Variants in PDZD2 observed in about 807,000 individuals in gnomAD.
The protein encoded by PDZD2 is PDZ domain containing 2.
PDZD2 carries 90 observed loss-of-function variants against 220.7 expected under a neutral mutation model. The observed-to-expected ratio is 0.41, with a 90% CI of 0.34 to 0.49. The LOEUF (loss-of-function observed/expected upper bound fraction) is 0.49, where lower values mean the gene tolerates loss of function less well. Among genes scored for constraint, PDZD2 ranks in the 20% least tolerant of loss-of-function variants. The pLI is 0.28. For missense variants in PDZD2, 3,174 were observed against 3,608.5 expected (o/e 0.88, Z 3.08); for synonymous variants, 1,375 against 1,450.5 (o/e 0.95, Z 1.18).
At chr5:31,948,371 G>A (rs1203867025) in intron 2 of PDZD2, among the ~76,000 whole-genome samples, 5 of 152,132 alleles carry the variant, frequency 3.3e-5, no homozygotes, top group Non-Finnish European at 5.9e-5. Context: ...GAGAATGGCA[G>A]GCTTTTCGAC....
chr5:32,013,284 G>A (rs546699014), intron 6 of PDZD2, among the ~76,000 whole-genome samples: 9 of 147,246 alleles, frequency 6.1e-5, no homozygotes, highest in South Asian at 2.2e-4. Flanking sequence ...ATGTAATTTC[G>A]TATAGAACAT....
chr5:32,039,409 CA>C (rs1456498279), intron 7 of PDZD2, among the ~76,000 whole-genome samples: 1 of 150,460 alleles, frequency 6.6e-6, no homozygotes, highest in African/African-American at 2.4e-5. Flanking sequence ...ACTCAATGCT[CA>C]ATGTTGCCCA....
intron 2 of PDZD2, among the ~76,000 whole-genome samples, chr5:31,810,044 C>T (rs1215659489): frequency 6.6e-6 from 1 of 152,098 alleles, no homozygotes; most frequent in African/African-American, 2.4e-5. Context: ...TAATTGTAAA[C>T]CATACAGAGA....
chr5:31,840,801 T>C, intron 2 of PDZD2: 3 of 778,020 alleles, frequency 3.9e-6, no homozygotes, highest in East Asian at 4.9e-5. Context: ...CGTTTTGCCA[T>C]GGTGACACCT....
At chr5:31,701,760 T>G (rs1747618798) in intron 1 of PDZD2, among the ~76,000 whole-genome samples, 1 of 152,194 alleles carries the variant, frequency 6.6e-6, no homozygotes, top group Admixed American at 6.5e-5. Flanking sequence ...ATGGGGATAA[T>G]GAGCAGATGT....
chr5:31,779,435 C>T (rs1163730723), intron 1 of PDZD2, among the ~76,000 whole-genome samples: 5 of 98,548 alleles, frequency 5.1e-5, no homozygotes, highest in South Asian at 6.6e-4. Context: ...AGTGCAGTGG[C>T]GCAATCTCGG....
At chr5:31,866,734 G>A (rs1394363601) in intron 2 of PDZD2, among the ~76,000 whole-genome samples, 3 of 152,130 alleles carry the variant, frequency 2.0e-5, no homozygotes, top group Admixed American at 6.6e-5. Context: ...GTCTGTATGC[G>A]GGTATCATAT....
rs78512139 is a variant in PDZD2 at position 31,842,730 on chromosome 5, G to C, written c.476+43006G>C. Among the ~76,000 whole-genome samples the C allele has an allele frequency of 4.5e-3, 681 of 152,242 alleles. 3 individuals are homozygous for C. The highest frequency in any genetic ancestry group is 0.01 in the Middle Eastern group (3 of 294). On this transcript the variant is annotated intron_variant, in intron 2 of 24. Coordinates refer to ENST00000438447, the MANE Select transcript of PDZD2 (RefSeq NM_178140.4). ...GATGATAATACTAACAATGTGACAG[G>C]AGTTTAAGAAGTTATAGAAGTCTTT...
chr5:32,024,810 C>T (rs1234309134), intron 6 of PDZD2, among the ~76,000 whole-genome samples: 4 of 152,216 alleles, frequency 2.6e-5, no homozygotes, highest in Non-Finnish European at 5.9e-5. Flanking sequence ...ATAAGCATTT[C>T]AGGCTTTGCT....
chr5:31,823,357 A>C (rs1306617659), intron 2 of PDZD2, among the ~76,000 whole-genome samples: 1 of 151,924 alleles, frequency 6.6e-6, no homozygotes, highest in Non-Finnish European at 1.5e-5. Context: ...AATCCCAACT[A>C]CTTGGGAGGC....
chr5:31,717,071 C>G (rs774382574), intron 1 of PDZD2, among the ~76,000 whole-genome samples: 15 of 152,034 alleles, frequency 9.9e-5, no homozygotes, highest in Non-Finnish European at 1.0e-4. Flanking sequence ...AAGTCTCTCC[C>G]CAGTCAACAA....
intron 19 of PDZD2, among the ~76,000 whole-genome samples, chr5:32,086,088 T>C (rs1742422391): frequency 6.6e-6 from 1 of 152,222 alleles, no homozygotes; most frequent in African/African-American, 2.4e-5. Context: ...CCCACTCCTC[T>C]GAATTCGTCA....
chr5:31,903,998 C>T (rs1181184386), intron 2 of PDZD2, among the ~76,000 whole-genome samples: 1 of 149,736 alleles, frequency 6.7e-6, no homozygotes, highest in African/African-American at 2.5e-5. Flanking sequence ...TGCCAAAGTG[C>T]TGGGATTACA....
intron 2 of PDZD2, among the ~76,000 whole-genome samples, chr5:31,915,225 G>A (rs1172559613): frequency 6.6e-6 from 1 of 152,076 alleles, no homozygotes; most frequent in Admixed American, 6.5e-5. Context: ...AAATCCCCAC[G>A]TTATTAGATT....
chr5:31,988,779 A>G (rs1210846553), intron 3 of PDZD2, among the ~76,000 whole-genome samples: 1 of 152,108 alleles, frequency 6.6e-6, no homozygotes, highest in African/African-American at 2.4e-5. Flanking sequence ...GTCACCTCTG[A>G]GCCTTTGCGA....
At chr5:31,922,383 A>G (rs1263687664) in intron 2 of PDZD2, among the ~76,000 whole-genome samples, 1 of 152,244 alleles carries the variant, frequency 6.6e-6, no homozygotes, top group African/African-American at 2.4e-5. Context: ...CCCCACTTGA[A>G]TAAGAAAGAC....
At chr5:32,100,961 T>A in intron 23 of PDZD2, 144 bp from the exon 24 acceptor site, 1 of 1,600,336 alleles carries the variant, frequency 6.2e-7, no homozygotes, top group Non-Finnish European at 8.5e-7. Flanking sequence ...AGTGCTGTTA[T>A]AAGTAAGTAA....
rs148542631 is a variant in PDZD2 at position 32,048,409 on chromosome 5, G to C, written c.1520-130G>C. The C allele has an allele frequency of 2.0e-3, 1,373 of 694,154 alleles. 2 individuals carry two copies. Among genetic ancestry groups the C allele is most frequent in the Non-Finnish European group, 2.8e-3 (1,131 of 404,694 alleles). The allele number at this position is 694,154 out of a possible 1,614,324, so 43.0% of individuals were successfully genotyped here. ...TAGGATGGGCTAGGCTCTGTGCTTT[G>C]AGTGTATTGGACGCTAGGCTTCTCA... On this transcript the variant is annotated intron_variant, in intron 7 of 24. Coordinates refer to ENST00000438447, the MANE Select transcript of PDZD2 (RefSeq NM_178140.4).
Position 31,927,383 on chromosome 5 carries a change from TTTTG to T in PDZD2, c.477-55755_477-55752del, listed in dbSNP as rs888623369. 3.3e-5 allele frequency among the ~76,000 whole-genome samples: 5 copies of T among 151,856 alleles called. No individual in the cohort carries two copies. The East Asian group carries it at 5.8e-4, about 18-fold the overall frequency. Reference sequence around the variant, plus strand: ...CTGCTACTTTCTTTTTTGGGTGTTTTTTTGTTTGTTTGTTTGTTTGAGACAGTGT... The same window carrying T: ...CTGCTACTTTCTTTTTTGGGTGTTTTTTTGTTTGTTTGTTTGAGACAGTGT... On this transcript the variant is annotated intron_variant, in intron 2 of 24. Coordinates refer to ENST00000438447, the MANE Select transcript of PDZD2 (RefSeq NM_178140.4).
Sources: gnomAD v4.1 joint callset for allele counts (sites outside exome capture counted in the v4.1 genomes callset) on GRCh38, gnomAD v4.1.1 for gene constraint, MANE v1.5 for transcripts, NCBI Gene and HGNC (gene_info 2026-07-23, HGNC 2026-07-21) for gene names.